The following ZBTB20 variants were observed in gnomAD, a reference collection of about 807,000 sequenced individuals.
ZBTB20 encodes zinc finger and BTB domain containing 20.
Under a neutral mutation model 56.9 loss-of-function variants are expected in ZBTB20, and 9 were observed. That is an observed-to-expected ratio of 0.16 (90% CI 0.10 to 0.28). ZBTB20 has a LOEUF of 0.28. Ranked by LOEUF, ZBTB20 falls within the 10% of genes least tolerant of loss-of-function variation. The pLI, the probability that ZBTB20 is intolerant of heterozygous loss-of-function variation, is 1.00. For synonymous variants in ZBTB20, 417 were observed against 420.7 expected (o/e 0.99, Z 0.11); for missense variants, 655 against 1,003.0 (o/e 0.65, Z 4.69).
chr3:114,380,447 T>C (rs1576482641), intron 9 of ZBTB20, 43 bp from the exon 10 acceptor site: 2 of 1,466,156 alleles, frequency 1.4e-6, no homozygotes, highest in East Asian at 2.5e-5. Flanking sequence ...TGACTGCATA[T>C]TTGGGAAAAG....
chr3:114,431,493 C>T (rs915831916), intron 7 of ZBTB20, among the ~76,000 whole-genome samples: 1 of 152,166 alleles, frequency 6.6e-6, no homozygotes, highest in Non-Finnish European at 1.5e-5. Context: ...ACTACGACAG[C>T]TAATGATTCA....
intron 5 of ZBTB20, among the ~76,000 whole-genome samples, chr3:114,770,511 GA>G (rs144361860): frequency 0.021 from 3,097 of 147,054 alleles, 108 homozygotes; most frequent in African/African-American, 0.072. Flanking sequence ...ATAACTTATG[GA>G]AAAAAAAAAG....
chr3:114,702,983 C>T (rs2063488127), intron 5 of ZBTB20, among the ~76,000 whole-genome samples: 1 of 148,822 alleles, frequency 6.7e-6, no homozygotes, highest in Non-Finnish European at 1.5e-5. Flanking sequence ...TTAAATGAAT[C>T]TTACACAAAT....
chr3:114,840,338 A>T (rs1188746058), intron 4 of ZBTB20, among the ~76,000 whole-genome samples: 1 of 152,232 alleles, frequency 6.6e-6, no homozygotes, highest in Non-Finnish European at 1.5e-5. Flanking sequence ...ATCAACATAC[A>T]TTTTAGCAAG....
intron 3 of ZBTB20, among the ~76,000 whole-genome samples, chr3:114,964,244 G>A (rs909675277): frequency 3.3e-5 from 5 of 152,030 alleles, no homozygotes; most frequent in Admixed American, 1.3e-4. Flanking sequence ...GTGAAACCCC[G>A]TCTCTACCAA....
At chr3:114,427,993 G>C (rs2089828438) in intron 7 of ZBTB20, among the ~76,000 whole-genome samples, 1 of 152,268 alleles carries the variant, frequency 6.6e-6, no homozygotes, top group South Asian at 2.1e-4. Flanking sequence ...ACGGGGACTG[G>C]GGGGCATGCC....
chr3:114,501,155 C>T (rs1175879925), intron 6 of ZBTB20, among the ~76,000 whole-genome samples: 2 of 152,188 alleles, frequency 1.3e-5, no homozygotes, highest in Non-Finnish European at 2.9e-5. Flanking sequence ...AGAATGTCCC[C>T]TCTATGGTGG....
At chr3:114,570,258 C>T (rs2053270823) in intron 6 of ZBTB20, among the ~76,000 whole-genome samples, 1 of 151,550 alleles carries the variant, frequency 6.6e-6, no homozygotes, top group Non-Finnish European at 1.5e-5. Context: ...TGTTTTTCCT[C>T]TAAGGATTTT....
chr3:115,146,742 G>A (rs966618746), intron 1 of ZBTB20, among the ~76,000 whole-genome samples: 1 of 152,168 alleles, frequency 6.6e-6, no homozygotes, highest in African/African-American at 2.4e-5. Context: ...AGGAGGGAGG[G>A]GGCAGAAGAC....
At chr3:114,407,851 A>G (rs2087485930) in intron 7 of ZBTB20, among the ~76,000 whole-genome samples, 1 of 151,944 alleles carries the variant, frequency 6.6e-6, no homozygotes, top group Non-Finnish European at 1.5e-5. Flanking sequence ...TTTCTAAGCA[A>G]ACTAATAACC....
At chr3:114,822,504 A>T (rs2073310692) in intron 4 of ZBTB20, among the ~76,000 whole-genome samples, 1 of 152,038 alleles carries the variant, frequency 6.6e-6, no homozygotes, top group African/African-American at 2.4e-5. Flanking sequence ...CAATGATAAG[A>T]CCTTATTTTT....
chr3:114,989,582 G>A (rs2078707810), intron 2 of ZBTB20, among the ~76,000 whole-genome samples: 1 of 151,996 alleles, frequency 6.6e-6, no homozygotes, highest in African/African-American at 2.4e-5. Context: ...TTGGCAATGT[G>A]GGCTCTTTTT....
At position 114,852,345 on chromosome 3, in the gene ZBTB20, C is replaced by T. The variant is rs563531888; in HGVS notation, c.-417+47959G>A. Among the ~76,000 whole-genome samples, 280 of 152,074 alleles carry T rather than the reference C, an allele frequency of 1.8e-3. 2 individuals are homozygous for T. Among genetic ancestry groups the T allele is most frequent in the Non-Finnish European group, 3.1e-3 (213 of 67,996 alleles). On this transcript the variant is annotated intron_variant, in intron 4 of 11. Coordinates refer to ENST00000675478, the MANE Select transcript of ZBTB20 (RefSeq NM_001348800.3). ...GTGGTACAATCTCGGCTCACTGCAA[C>T]CTCCACCTCCCAGCTTCAAGTGATT...
chr3:114,562,890 C>T (rs1424318739), intron 6 of ZBTB20, among the ~76,000 whole-genome samples: 3 of 152,094 alleles, frequency 2.0e-5, no homozygotes, highest in East Asian at 3.8e-4. Context: ...TGGTTTGTGG[C>T]ACCTCAAAAC....
chr3:114,745,134 G>C (rs2066930131), intron 5 of ZBTB20, among the ~76,000 whole-genome samples: 3 of 152,140 alleles, frequency 2.0e-5, no homozygotes, highest in African/African-American at 7.2e-5. Context: ...TTGTGATAGT[G>C]ATGGTTGTTT....
At chr3:114,707,074 C>T (rs374925980) in intron 5 of ZBTB20, among the ~76,000 whole-genome samples, 1 of 152,112 alleles carries the variant, frequency 6.6e-6, no homozygotes, top group East Asian at 1.9e-4. Context: ...ATAAATCCTG[C>T]TATCCCAATA....
chr3:114,955,919 ATT>A (rs1395249646), intron 3 of ZBTB20, among the ~76,000 whole-genome samples: 1 of 152,132 alleles, frequency 6.6e-6, no homozygotes, highest in East Asian at 1.9e-4. Context: ...GAAAAGGCAA[ATT>A]TTGTGACATA....
At chr3:114,882,398 A>C (rs905963031) in intron 4 of ZBTB20, among the ~76,000 whole-genome samples, 2 of 152,038 alleles carry the variant, frequency 1.3e-5, no homozygotes, top group Non-Finnish European at 2.9e-5. Flanking sequence ...TTTAACAGGC[A>C]TCAAAATTTT....
At chr3:115,080,259 G>C (rs1224298304) in intron 1 of ZBTB20, among the ~76,000 whole-genome samples, 1 of 152,130 alleles carries the variant, frequency 6.6e-6, no homozygotes, top group South Asian at 2.1e-4. Flanking sequence ...CTGGCACTCT[G>C]ATCTTGGACT....
Sources: gnomAD v4.1 joint callset for allele counts (sites outside exome capture counted in the v4.1 genomes callset) on GRCh38, gnomAD v4.1.1 for gene constraint, MANE v1.5 for transcripts, NCBI Gene and HGNC (gene_info 2026-07-23, HGNC 2026-07-21) for gene names.